CEP350: variants seen among roughly 807,000 people sequenced by gnomAD.
The protein encoded by CEP350 is centrosomal protein 350, also known as centrosome-associated protein 350.
A neutral mutation model predicts 331.8 loss-of-function variants in CEP350; 126 were observed. That is an observed-to-expected ratio of 0.38 (90% CI 0.33 to 0.44). CEP350 has a LOEUF of 0.44. Among genes scored for constraint, CEP350 ranks in the 20% least tolerant of loss-of-function variants. The pLI, the probability that CEP350 is intolerant of heterozygous loss-of-function variation, is 1.00. For synonymous variants in CEP350, 1,200 were observed against 1,259.5 expected (o/e 0.95, Z 1.00); for missense variants, 3,406 against 3,634.6 (o/e 0.94, Z 1.62).
chr1:180,059,933 A>C (rs1658091184), intron 25 of CEP350, among the ~76,000 whole-genome samples: 1 of 152,160 alleles, frequency 6.6e-6, no homozygotes, highest in Non-Finnish European at 1.5e-5. Context: ...TAGAAAATCC[A>C]CATAACTTAG....
At position 180,095,863 on chromosome 1, in the gene CEP350, C is replaced by T. The variant is rs1660452930; in HGVS notation, c.8852C>T (p.Thr2951Ile). 1.2e-6 allele frequency: 2 copies of T among 1,613,386 alleles called. No individual in the cohort carries two copies. Among genetic ancestry groups the T allele is most frequent in the African/African-American group, 2.7e-5 (2 of 74,894 alleles). The change falls in exon 35 of 38, where the codon ACA (threonine) becomes ATA (isoleucine). Residue 2951 changes from threonine to isoleucine, a missense_variant. Coordinates refer to ENST00000367607, the MANE Select transcript of CEP350 (RefSeq NM_014810.5). The part of the protein sequence containing the change: ...GHDLHSISIP[T>I]KLLGCASKGL... ...GATCTTCATAGCATCAGTATTCCTACAAAACTGCTTGGCTGTGCCAGTAAA... is the reference window on the plus strand; with the variant it reads ...GATCTTCATAGCATCAGTATTCCTATAAAACTGCTTGGCTGTGCCAGTAAA...
intron 20 of CEP350, 30 bp from the exon 21 acceptor site, chr1:180,044,021 A>AT: frequency 6.7e-7 from 1 of 1,499,082 alleles, no homozygotes; most frequent in Non-Finnish European, 8.9e-7. Flanking sequence ...GAGACTTTGA[A>AT]TGTTTAATCA....
intron 2 of CEP350, among the ~76,000 whole-genome samples, chr1:179,986,697 C>G (rs1342012954): frequency 2.6e-5 from 4 of 152,078 alleles, no homozygotes; most frequent in Non-Finnish European, 2.9e-5. Flanking sequence ...TGTGAGAGAT[C>G]TGGAAATCAA....
intron 25 of CEP350, among the ~76,000 whole-genome samples, chr1:180,056,492 C>T (rs1657855933): frequency 9.8e-6 from 1 of 101,846 alleles, no homozygotes; most frequent in Non-Finnish European, 1.8e-5. Context: ...TTTTTTGAGA[C>T]AGGGTCCCAC....
chr1:180,111,175 A>T lies in CEP350; in HGVS notation c.*14A>T, dbSNP rs768082559. 3 of 1,612,908 alleles carry T rather than the reference A, an allele frequency of 1.9e-6. No homozygotes were observed. The South Asian group carries it at 3.3e-5, about 18-fold the overall frequency. ...CTACTTGTGTGACATCTTGCAAATA[A>T]ATCGAACGCTGAGTGCTAATGTGAG... On this transcript the variant is annotated 3_prime_UTR_variant, in exon 38 of 38. Coordinates refer to ENST00000367607, the MANE Select transcript of CEP350 (RefSeq NM_014810.5).
At chr1:180,030,070 G>T (rs1029695512) in intron 14 of CEP350, among the ~76,000 whole-genome samples, 1 of 151,862 alleles carries the variant, frequency 6.6e-6, no homozygotes, top group Non-Finnish European at 1.5e-5. Flanking sequence ...TCAGTTCACG[G>T]ACATTTGGGT....
intron 1 of CEP350, among the ~76,000 whole-genome samples, chr1:179,970,846 A>T (rs1462112357): frequency 1.3e-5 from 2 of 152,228 alleles, no homozygotes; most frequent in African/African-American, 2.4e-5. Flanking sequence ...TCATTGTTTC[A>T]CAGATGTTTT....
chr1:180,024,687 G>T, intron 14 of CEP350, 105 bp downstream of exon 14: 1 of 1,248,212 alleles, frequency 8.0e-7, no homozygotes, highest in South Asian at 1.9e-5. Context: ...ATTTCTTATG[G>T]TAATGTAATT....
chr1:180,091,439 G>A (rs1042054359), intron 33 of CEP350, among the ~76,000 whole-genome samples: 1 of 152,002 alleles, frequency 6.6e-6, no homozygotes, highest in African/African-American at 2.4e-5. Context: ...CCCCTAACCA[G>A]ATTTTTAATC....
At chr1:180,067,722 A>G (rs1210191037) in intron 27 of CEP350, among the ~76,000 whole-genome samples, 1 of 152,180 alleles carries the variant, frequency 6.6e-6, no homozygotes, top group Non-Finnish European at 1.5e-5. Context: ...GAACTAAAGT[A>G]TTTTCCGAAA....
intron 1 of CEP350, among the ~76,000 whole-genome samples, chr1:179,958,730 A>G (rs1650359562): frequency 6.6e-6 from 1 of 152,222 alleles, no homozygotes; most frequent in African/African-American, 2.4e-5. Flanking sequence ...TAGGCCCTAA[A>G]TAAGCATTAA....
At chr1:180,080,408 C>T (rs1447742180) in intron 29 of CEP350, 109 bp from the exon 30 acceptor site, 20 of 965,998 alleles carry the variant, frequency 2.1e-5, no homozygotes, top group Non-Finnish European at 3.0e-5. Flanking sequence ...TAACAGTTAT[C>T]TTAAATTCTT....
In CEP350 at chr1:179,954,943, A is replaced by G; in HGVS notation, c.-213A>G. 1.0e-6 allele frequency: 1 copy of G among 953,186 alleles called. No homozygotes were observed. Among genetic ancestry groups the G allele is most frequent in the Non-Finnish European group, 1.4e-6 (1 of 704,762 alleles). 59.0% of individuals were successfully genotyped at this position (953,186 alleles called of 1,614,324 possible). A position where few individuals can be genotyped will look rare whatever the true frequency, so the allele number is the denominator to read the frequency against. ...GGGGTGGCTTGCCCTGAGGGAGGGG[A>G]GGCAGCCTTTCCGCCTTGTCTTCCT... On this transcript the variant is annotated 5_prime_UTR_variant, in exon 1 of 38. Transcript: ENST00000367607.
In CEP350 at chr1:180,093,344, A is replaced by G; in HGVS notation, c.7239A>G (p.Arg2413=). The change falls in exon 34 of 38, where the codon AGA becomes AGG. Residue 2413 remains arginine, a synonymous_variant. Coordinates refer to ENST00000367607, the MANE Select transcript of CEP350 (RefSeq NM_014810.5). ...TCAGGAAAGACTCTCAGTCTTGCAG[A>G]GATAAGCCACAGCCAATGAGGAGCT... The part of the protein sequence containing the change: ...LSLRKDSQSC[R]DKPQPMRSST... 1 of 1,599,880 alleles carries G rather than the reference A, an allele frequency of 6.3e-7. No homozygotes were observed. The highest frequency in any genetic ancestry group is 1.1e-5 in the South Asian group (1 of 88,504).
rs367691403 is a variant in CEP350, at chr1:179,996,607, C to T, written c.450C>T (p.His150=). The T allele has an allele frequency of 1.0e-4, 167 of 1,601,822 alleles. No individual in the cohort carries two copies. Among genetic ancestry groups the T allele is most frequent in the Non-Finnish European group, 1.3e-4 (151 of 1,173,672 alleles). Residue 150 remains histidine (H), a synonymous_variant, in exon 6 of 38, where the codon CAC becomes CAT. Transcript: ENST00000367607. The part of the protein sequence containing the change: ...NFSSSHLESK[H]VYCVDVNEEK... ...GTTCCAGCCATCTGGAATCAAAGCACGTATACTGTGTAGATGTTAATGAAG... is the reference window on the plus strand; with the variant it reads ...GTTCCAGCCATCTGGAATCAAAGCATGTATACTGTGTAGATGTTAATGAAG...
In CEP350 at chr1:180,014,150, A is replaced by C. The variant is rs781461683; in HGVS notation, c.1697A>C (p.His566Pro). 6.2e-7 allele frequency: 1 copy of C among 1,608,914 alleles called. No homozygotes were observed. ...GCACCAGTACATGCTCCTAGGAGTC[A>C]CAGCCCAGTAAAAAGAAAACCTGAC... The part of the protein sequence containing the change: ...SSAPVHAPRS[H>P]SPVKRKPDKI... The change falls in exon 10 of 38, where the codon CAC (histidine) becomes CCC (proline). Residue 566 changes from histidine to proline, a missense_variant. This residue lies in a region of CEP350 where 1,857 missense variants were observed against 1,909.2 expected (regional missense o/e 0.97). Transcript: ENST00000367607.
intron 28 of CEP350, among the ~76,000 whole-genome samples, chr1:180,075,784 GTC>G (rs1231025173): frequency 6.6e-6 from 1 of 151,442 alleles, no homozygotes; most frequent in Non-Finnish European, 1.5e-5. Flanking sequence ...GTGAAACCCC[GTC>G]TCTACTAAAA....
Position 180,020,736 on chromosome 1 carries a change from C to T in CEP350, c.2962C>T (p.Leu988Phe). ...SIDSVSEGPL[L>F]SEGSLSEEEG... ...AGATTCAGTCAGTGAAGGGCCTCTTCTTAGTGAGGGGAGTCTCTCTGAAGA... is the reference window on the plus strand; with the variant it reads ...AGATTCAGTCAGTGAAGGGCCTCTTTTTAGTGAGGGGAGTCTCTCTGAAGA... Residue 988 changes from leucine (L) to phenylalanine (F), a missense_variant, in exon 12 of 38, where the codon CTT becomes TTT. Physicochemically the swap from Leu to Phe is conservative, Grantham distance 22. Transcript: ENST00000367607. The T allele has an allele frequency of 1.2e-6, 2 of 1,614,036 alleles. No individual in the cohort carries two copies. The highest frequency in any genetic ancestry group is 4.5e-5 in the East Asian group (2 of 44,890).
At chr1:180,040,791 T>G (rs1408958879) in intron 17 of CEP350, among the ~76,000 whole-genome samples, 1 of 152,092 alleles carries the variant, frequency 6.6e-6, no homozygotes, top group Admixed American at 6.5e-5. Context: ...AAATTGTGAG[T>G]TTGTGAGGCA....
Sources: allele counts gnomAD v4.1 joint callset (sites outside exome capture counted in the v4.1 genomes callset), GRCh38; gene constraint gnomAD v4.1.1; regional missense constraint gnomAD v4.1.1; transcripts MANE v1.5; gene names NCBI Gene and HGNC (gene_info 2026-07-23, HGNC 2026-07-21).